Variants in CMTR1 observed in about 807,000 individuals in gnomAD.
The protein encoded by CMTR1 is cap-specific mRNA (nucleoside-2'-O-)-methyltransferase 1.
Under a neutral mutation model 107.0 loss-of-function variants are expected in CMTR1, and 39 were observed. The ratio of observed to expected loss-of-function variants is 0.36; its 90% CI spans 0.28 to 0.48. The LOEUF is 0.48. Among genes scored for constraint, CMTR1 ranks in the 20% least tolerant of loss-of-function variants. The pLI is 0.99. For missense variants in CMTR1, 672 were observed against 1,064.9 expected (o/e 0.63, Z 5.14); for synonymous variants, 366 against 379.5 (o/e 0.96, Z 0.41).
At chr6:37,469,869 A>G (rs910751128) in intron 13 of CMTR1, among the ~76,000 whole-genome samples, 5 of 149,618 alleles carry the variant, frequency 3.3e-5, no homozygotes, top group East Asian at 2.0e-4. Context: ...TGGAACTCCA[A>G]TTATGTTTAT....
At chr6:37,467,824 C>T (rs76866595) in intron 13 of CMTR1, among the ~76,000 whole-genome samples, 5,510 of 150,630 alleles carry the variant, frequency 0.037, 106 homozygotes, top group Middle Eastern at 0.08. Flanking sequence ...TGTCCTTCTA[C>T]CTTTGTCTTT....
At chr6:37,471,802 G>C in intron 14 of CMTR1, 45 bp from the exon 15 acceptor site, 1 of 1,594,810 alleles carries the variant, frequency 6.3e-7, no homozygotes, top group Non-Finnish European at 8.6e-7. Flanking sequence ...GGGCACTCCT[G>C]TGCCTCTTAG....
chr6:37,463,037 A>G (rs757183207), intron 13 of CMTR1, 29 bp downstream of exon 13: 5 of 1,605,560 alleles, frequency 3.1e-6, no homozygotes, highest in Admixed American at 1.7e-5. Context: ...TTTTGCTGGT[A>G]ACACTGAGGT....
chr6:37,443,862 A>G, intron 2 of CMTR1, 137 bp from the exon 3 acceptor site: 2 of 930,506 alleles, frequency 2.1e-6, no homozygotes, highest in Non-Finnish European at 3.0e-6. Context: ...TAGAAAATAG[A>G]TTTGACCTTG....
chr6:37,464,931 C>CGTGT lies in CMTR1; in HGVS notation c.1505+1923_1505+1924insGTGT, dbSNP rs1761475419. Among the ~76,000 whole-genome samples, 3 of 151,158 alleles carry CGTGT rather than the reference C, an allele frequency of 2.0e-5. No homozygotes were observed. In the South Asian group the frequency reaches 6.2e-4, roughly 31 times the overall value. ...GTGTGTGTGTGTGTGTGTGTGTGTA[C>CGTGT]AGACAAACAATAAAACAATGTATAT... On this transcript the variant is annotated intron_variant, in intron 13 of 23. Transcript: ENST00000373451.
chr6:37,433,918 G>A (rs1771458235), intron 1 of CMTR1, among the ~76,000 whole-genome samples: 1 of 152,202 alleles, frequency 6.6e-6, no homozygotes, highest in Non-Finnish European at 1.5e-5. Context: ...CAAATCTAAG[G>A]TGATGTGGTT....
At chr6:37,437,297 T>C (rs1469260069) in intron 2 of CMTR1, among the ~76,000 whole-genome samples, 3 of 150,016 alleles carry the variant, frequency 2.0e-5, no homozygotes, top group African/African-American at 7.4e-5. Context: ...GAGGCTAAGG[T>C]GGGCGGATCA....
chr6:37,448,210 CAAAA>C (rs11397206), intron 4 of CMTR1, among the ~76,000 whole-genome samples: 15 of 91,088 alleles, frequency 1.6e-4, no homozygotes, highest in South Asian at 4.6e-4. Context: ...GATTCCGTCT[CAAAA>C]AAAAAAAAAA....
chr6:37,461,678 G>T (rs1183213352), intron 11 of CMTR1, 33 bp downstream of exon 11: 4 of 1,405,530 alleles, frequency 2.8e-6, no homozygotes, highest in Admixed American at 4.0e-5. Context: ...CTCACCCCAG[G>T]ACCCACTTAG....
chr6:37,432,225 C>A (rs1463583702), upstream of CMTR1, among the ~76,000 whole-genome samples: 1 of 152,090 alleles, frequency 6.6e-6, no homozygotes, highest in East Asian at 1.9e-4. Context: ...GTCTCAGAGG[C>A]CATTTTAAGG....
chr6:37,429,082 G>A (rs1771330988), upstream of CMTR1, among the ~76,000 whole-genome samples: 1 of 152,050 alleles, frequency 6.6e-6, no homozygotes, highest in Admixed American at 6.6e-5. Context: ...GGTCCCTGAG[G>A]CTGTATTCAC....
chr6:37,433,601 T>C (rs918226794), intron 1 of CMTR1, among the ~76,000 whole-genome samples: 6 of 152,222 alleles, frequency 3.9e-5, no homozygotes, highest in South Asian at 4.1e-4. Context: ...GCTCATGTTA[T>C]CTTCAAATGA....
chr6:37,440,297 C>T (rs747469120), intron 2 of CMTR1, among the ~76,000 whole-genome samples: 2 of 152,280 alleles, frequency 1.3e-5, no homozygotes, highest in South Asian at 2.1e-4. Flanking sequence ...AATTCTTTAT[C>T]GGTCTTGAGA....
intron 17 of CMTR1, among the ~76,000 whole-genome samples, chr6:37,474,286 G>A (rs911112624): frequency 8.5e-5 from 13 of 152,190 alleles, no homozygotes; most frequent in Admixed American, 1.3e-4. Flanking sequence ...TTTGAGTGGT[G>A]CCCTGCACCC....
chr6:37,435,732 C>T lies in CMTR1; in HGVS notation c.103C>T (p.Pro35Ser). Residue 35 changes from proline to serine, a missense_variant, in exon 2 of 24, where the codon CCT becomes TCT. Around this residue, in one of 2 missense-constraint regions of CMTR1, gnomAD observed 89 missense variants for 96.6 expected, o/e 0.92. Coordinates refer to ENST00000373451, the MANE Select transcript of CMTR1 (RefSeq NM_015050.3). ...CCTCAGCTCCACGTCCGATGATGAA[C>T]CTCCCTCCTCTGTCAGTCATGGAGC... The part of the protein sequence containing the change: ...LSLSSTSDDE[P>S]PSSVSHGAKA... 3 of 1,597,400 alleles carry T rather than the reference C, an allele frequency of 1.9e-6. No homozygotes were observed. The highest frequency in any genetic ancestry group is 1.8e-5 in the Admixed American group (1 of 55,678).
upstream of CMTR1, among the ~76,000 whole-genome samples, chr6:37,430,478 G>T (rs755932235): frequency 1.1e-4 from 17 of 151,836 alleles, no homozygotes; most frequent in Non-Finnish European, 2.1e-4. Context: ...CTCTCATTCT[G>T]TGGTTTGATT....
upstream of CMTR1, among the ~76,000 whole-genome samples, chr6:37,428,433 C>T (rs535918872): frequency 6.6e-6 from 1 of 152,178 alleles, no homozygotes. Flanking sequence ...TTCCCTGGCT[C>T]TGTTTGTCAG....
chr6:37,453,375 G>A, intron 8 of CMTR1, 63 bp downstream of exon 8: 6 of 1,426,118 alleles, frequency 4.2e-6, no homozygotes, highest in South Asian at 2.3e-5. Context: ...CAGTGGCTCA[G>A]CCATTGCCAT....
chr6:37,478,669 A>AG, intron 22 of CMTR1, 148 bp downstream of exon 22: 1 of 657,328 alleles, frequency 1.5e-6, no homozygotes, highest in Non-Finnish European at 2.7e-6. Context: ...GGCATATGTT[A>AG]GGGGACAGTG....
Sources: gnomAD v4.1 joint callset for allele counts (sites outside exome capture counted in the v4.1 genomes callset) on GRCh38, gnomAD v4.1.1 for gene constraint, gnomAD v4.1.1 regional missense constraint, MANE v1.5 for transcripts, NCBI Gene and HGNC (gene_info 2026-07-23, HGNC 2026-07-21) for gene names.